The following TPRG1 variants were observed in gnomAD, a reference collection of about 807,000 sequenced individuals.
TPRG1 encodes the protein tumor protein p63-regulated gene 1 protein.
A neutral mutation model predicts 29.3 loss-of-function variants in TPRG1; 29 were observed. The ratio of observed to expected loss-of-function variants is 0.99; its 90% CI spans 0.74 to 1.35. The LOEUF is 1.35. Among genes scored for constraint, TPRG1 ranks in the 40% most tolerant of loss-of-function variants. TPRG1 has a pLI of 0.00. For synonymous variants in TPRG1, 130 were observed against 116.8 expected (o/e 1.11, Z -0.73); for missense variants, 327 against 335.0 (o/e 0.98, Z 0.19).
chr3:189,191,904 A>C (rs1731752918), intron 1 of TPRG1, among the ~76,000 whole-genome samples: 1 of 152,200 alleles, frequency 6.6e-6, no homozygotes, highest in Admixed American at 6.5e-5. Context: ...GGTTTCAGGC[A>C]GAAGCAAATG....
At chr3:189,086,526 A>ATT (rs111588968) in intron 4 of TPRG1, among the ~76,000 whole-genome samples, 131 of 137,218 alleles carry the variant, frequency 9.5e-4, no homozygotes, top group African/African-American at 3.2e-3. Flanking sequence ...CACCCAGCTA[A>ATT]TTTTTTTTTT....
intron 4 of TPRG1, among the ~76,000 whole-genome samples, chr3:189,259,757 A>C (rs1389101799): frequency 6.6e-6 from 1 of 152,116 alleles, no homozygotes; most frequent in East Asian, 1.9e-4. Context: ...GGTGCAAACC[A>C]CCATGTCTGG....
At chr3:189,164,779 G>T (rs1483579417) in intron 5 of TPRG1, among the ~76,000 whole-genome samples, 1 of 152,122 alleles carries the variant, frequency 6.6e-6, no homozygotes, top group South Asian at 2.1e-4. Flanking sequence ...GGGAAGGAGG[G>T]TGTTGACATC....
intron 4 of TPRG1, among the ~76,000 whole-genome samples, chr3:189,292,489 A>C (rs1719182915): frequency 6.6e-6 from 1 of 152,060 alleles, no homozygotes; most frequent in Non-Finnish European, 1.5e-5. Context: ...CTGTCTATGA[A>C]ATGGAATAAT....
At chr3:189,216,796 G>T (rs562404105) in intron 3 of TPRG1, among the ~76,000 whole-genome samples, 1 of 152,024 alleles carries the variant, frequency 6.6e-6, no homozygotes, top group South Asian at 2.1e-4. Flanking sequence ...TTACCAACAC[G>T]CATTTCATTT....
intron 1 of TPRG1, among the ~76,000 whole-genome samples, chr3:189,189,196 G>A (rs1246120957): frequency 4.6e-5 from 7 of 151,842 alleles, no homozygotes; most frequent in East Asian, 3.9e-4. Context: ...GAACATTTTC[G>A]TGGATAACCT....
intron 3 of TPRG1, among the ~76,000 whole-genome samples, chr3:189,023,195 G>T (rs576711431): frequency 7.2e-5 from 11 of 152,182 alleles, no homozygotes; most frequent in Non-Finnish European, 1.6e-4. Context: ...CTTCTGCGTC[G>T]CTCACGCTGG....
chr3:189,032,091 G>A (rs968891168), intron 4 of TPRG1, among the ~76,000 whole-genome samples: 2 of 152,104 alleles, frequency 1.3e-5, no homozygotes, highest in African/African-American at 4.8e-5. Flanking sequence ...TAGCAAAAGA[G>A]GCTTTGCCGA....
chr3:189,310,992 C>T (rs1441350313), intron 5 of TPRG1, among the ~76,000 whole-genome samples: 1 of 152,170 alleles, frequency 6.6e-6, no homozygotes, highest in Non-Finnish European at 1.5e-5. Flanking sequence ...TCCTCCCAAC[C>T]TCACTGGACC....
intron 3 of TPRG1, chr3:189,217,911 A>T (rs923900617): frequency 1.7e-5 from 17 of 985,102 alleles, no homozygotes; most frequent in Admixed American, 1.2e-4. Flanking sequence ...AACAACAACA[A>T]TGAGAACACA....
intron 4 of TPRG1, among the ~76,000 whole-genome samples, chr3:189,079,631 A>G (rs774052145): frequency 3.3e-5 from 5 of 152,204 alleles, no homozygotes; most frequent in Non-Finnish European, 5.9e-5. Flanking sequence ...TTAATTAAAC[A>G]AGATTCCTGG....
At chr3:189,248,337 G>T (rs1741658047) in intron 4 of TPRG1, among the ~76,000 whole-genome samples, 1 of 151,692 alleles carries the variant, frequency 6.6e-6, no homozygotes, top group Non-Finnish European at 1.5e-5. Flanking sequence ...AGTTTATTTT[G>T]CAGATAATTA....
intron 4 of TPRG1, among the ~76,000 whole-genome samples, chr3:189,024,254 C>A (rs1343839355): frequency 6.6e-6 from 1 of 150,528 alleles, no homozygotes; most frequent in African/African-American, 2.4e-5. Flanking sequence ...ATCAGGGTCC[C>A]CTTTAAAGAA....
chr3:189,301,931 C>A (rs1168876399), intron 4 of TPRG1, among the ~76,000 whole-genome samples: 1 of 152,198 alleles, frequency 6.6e-6, no homozygotes. Flanking sequence ...CCCTCCCCTG[C>A]AACCTCTACC....
intron 2 of TPRG1, among the ~76,000 whole-genome samples, chr3:189,212,790 C>A (rs1035159447): frequency 3.9e-5 from 6 of 152,190 alleles, no homozygotes; most frequent in African/African-American, 1.2e-4. Context: ...TATACCACTC[C>A]TGTTTAGCTA....
intron 4 of TPRG1, among the ~76,000 whole-genome samples, chr3:189,268,207 C>T (rs1050593052): frequency 6.6e-6 from 1 of 152,220 alleles, no homozygotes; most frequent in African/African-American, 2.4e-5. Context: ...CTCTTGACTT[C>T]GCCTTTGGGT....
chr3:189,258,509 C>G (rs1712335345), intron 4 of TPRG1, among the ~76,000 whole-genome samples: 1 of 152,134 alleles, frequency 6.6e-6, no homozygotes, highest in African/African-American at 2.4e-5. Flanking sequence ...GGCAGTGTGT[C>G]CCTTGGCAGA....
chr3:189,073,882 C>CT, intron 4 of TPRG1, among the ~76,000 whole-genome samples: 1 of 152,034 alleles, frequency 6.6e-6, no homozygotes, highest in Middle Eastern at 3.4e-3. Flanking sequence ...TGTATTTTTA[C>CT]TTTTTATGGT....
intron 1 of TPRG1, among the ~76,000 whole-genome samples, chr3:189,117,145 A>G (rs1721274477): frequency 6.6e-6 from 1 of 152,114 alleles, no homozygotes; most frequent in Admixed American, 6.5e-5. Flanking sequence ...CTTTATTGGG[A>G]CTTATAATCT....
Sources: gnomAD v4.1 joint callset for allele counts (sites outside exome capture counted in the v4.1 genomes callset) on GRCh38, gnomAD v4.1.1 for gene constraint, MANE v1.5 for transcripts, NCBI Gene and HGNC (gene_info 2026-07-23, HGNC 2026-07-21) for gene names.